Variants in TRIM31 observed in about 807,000 individuals in gnomAD.
The protein encoded by TRIM31 is E3 ubiquitin-protein ligase TRIM31.
Under a neutral mutation model 40.6 loss-of-function variants are expected in TRIM31, and 31 were observed. The ratio of observed to expected loss-of-function variants is 0.76; its 90% CI spans 0.57 to 1.03. The LOEUF (loss-of-function observed/expected upper bound fraction) is 1.03. Among genes scored for constraint, TRIM31 ranks in the 50% least tolerant of loss-of-function variants. TRIM31 has a pLI of 0.00. For synonymous variants in TRIM31, 164 were observed against 193.9 expected (o/e 0.85, Z 1.28); for missense variants, 455 against 497.5 (o/e 0.91, Z 0.81).
At chr6:30,109,168 C>T (rs945822572) in intron 4 of TRIM31, 120 bp from the exon 5 acceptor site, 2 of 956,644 alleles carry the variant, frequency 2.1e-6, no homozygotes, top group Admixed American at 1.8e-5. Context: ...CCCTCCAAGT[C>T]TCTCTTACCC....
At chr6:30,110,953 T>C (rs1399349744) in intron 3 of TRIM31, among the ~76,000 whole-genome samples, 1 of 152,142 alleles carries the variant, frequency 6.6e-6, no homozygotes, top group Non-Finnish European at 1.5e-5. Context: ...TTTATAATCT[T>C]TCATATAGAT....
intron 2 of TRIM31, 96 bp downstream of exon 2, chr6:30,112,293 T>G: frequency 6.9e-7 from 1 of 1,442,372 alleles, no homozygotes; most frequent in Non-Finnish European, 9.4e-7. Context: ...GTGGGGGCAA[T>G]GGGGTGCAAA....
At chr6:30,104,517 A>G (rs1254300927) in intron 7 of TRIM31, among the ~76,000 whole-genome samples, 1 of 152,186 alleles carries the variant, frequency 6.6e-6, no homozygotes, top group Middle Eastern at 3.2e-3. Flanking sequence ...TTTGGAATGC[A>G]TTCTGTAGTT....
intron 3 of TRIM31, chr6:30,111,267 C>A (rs1350664847): frequency 7.5e-5 from 16 of 212,634 alleles, no homozygotes; most frequent in Non-Finnish European, 4.7e-5. Flanking sequence ...TCTCAAACTC[C>A]TGGGCTCAAG....
At chr6:30,104,062 G>C (rs1232376575) in intron 8 of TRIM31, 40 bp downstream of exon 8, 1 of 1,598,770 alleles carries the variant, frequency 6.3e-7, no homozygotes, top group South Asian at 1.1e-5. Context: ...ACCACCTGTA[G>C]ACTTAGAGGT....
At chr6:30,108,839 T>C (rs576574674) in intron 5 of TRIM31, 187 bp downstream of exon 5, 178 of 661,440 alleles carry the variant, frequency 2.7e-4, no homozygotes, top group Non-Finnish European at 4.1e-4. Flanking sequence ...CTGGTTTCTT[T>C]AACAACCAAC....
At chr6:30,110,709 G>A in intron 3 of TRIM31, 31 bp from the exon 4 acceptor site, 1 of 1,603,834 alleles carries the variant, frequency 6.2e-7, no homozygotes, top group South Asian at 1.1e-5. Context: ...GAGGGTGAGA[G>A]GATGGCCTCG....
At chr6:30,105,588 A>G (rs1768600534) in intron 6 of TRIM31, 1 of 165,852 alleles carries the variant, frequency 6.0e-6, no homozygotes, top group Admixed American at 6.4e-5. Context: ...TTAACTCAAT[A>G]TTCTCAAAAT....
At chr6:30,107,923 C>T in intron 6 of TRIM31, 130 bp downstream of exon 6, 1 of 657,700 alleles carries the variant, frequency 1.5e-6, no homozygotes, top group Non-Finnish European at 2.7e-6. Context: ...AAGTACTCAG[C>T]CAGAAGCCTG....
chr6:30,106,934 A>G (rs1028544219), intron 6 of TRIM31, among the ~76,000 whole-genome samples: 3 of 152,104 alleles, frequency 2.0e-5, no homozygotes, highest in Admixed American at 1.3e-4. Flanking sequence ...CCCCGTCTCT[A>G]CTAAAAATAC....
chr6:30,109,154 G>A (rs1298081384), intron 4 of TRIM31, 106 bp from the exon 5 acceptor site: 9 of 1,151,626 alleles, frequency 7.8e-6, no homozygotes. Context: ...GGAGGAGTAA[G>A]AACCCCTCCA....
Position 30,103,166 on chromosome 6 carries a change from T to G in TRIM31, c.*370A>C. The G allele has an allele frequency of 3.4e-6, 1 of 293,486 alleles. No homozygotes were observed. The highest frequency in any genetic ancestry group is 6.5e-6 in the Non-Finnish European group (1 of 154,488). 18.2% of individuals were successfully genotyped at this position (293,486 alleles called of 1,614,324 possible). On this transcript the variant is annotated 3_prime_UTR_variant, in exon 9 of 9. Transcript: ENST00000376734. The stretch of plus-strand genomic sequence containing the variant: ...GGCTGGCGTTGCTCCTCTCCGGATT[T>G]CACTCCTGGCTGAACTGGTGCCTTC...
At chr6:30,103,861 G>A (rs1254760393) in intron 8 of TRIM31, 72 bp from the exon 9 acceptor site, 1 of 1,596,196 alleles carries the variant, frequency 6.3e-7, no homozygotes, top group Non-Finnish European at 8.5e-7. Flanking sequence ...TTGCCAGACA[G>A]CACAGCTGAG....
At chr6:30,106,407 C>T (rs2127383380) in intron 6 of TRIM31, among the ~76,000 whole-genome samples, 1 of 152,234 alleles carries the variant, frequency 6.6e-6, no homozygotes, top group East Asian at 1.9e-4. Flanking sequence ...CCAGCCACAC[C>T]CTTCTCCACG....
chr6:30,111,760 G>A lies in TRIM31; in HGVS notation c.418-17C>T, dbSNP rs769731645. The A allele has an allele frequency of 1.1e-4, 185 of 1,612,978 alleles. 1 individual carries two copies. The highest frequency in any genetic ancestry group is 2.8e-5 in the Non-Finnish European group (33 of 1,179,098). On this transcript the variant is annotated splice_polypyrimidine_tract_variant and intron_variant, in intron 2 of 8. Transcript: ENST00000376734. Reference sequence around the variant, plus strand: ...AATCTGCCCCTGCGGAAAGAGGGCCGTTTGGACAGGCTGTGCCTGGAGATT... The same window carrying A: ...AATCTGCCCCTGCGGAAAGAGGGCCATTTGGACAGGCTGTGCCTGGAGATT...
At chr6:30,111,197 T>G in intron 3 of TRIM31, 1 of 175,996 alleles carries the variant, frequency 5.7e-6, no homozygotes, top group Non-Finnish European at 1.2e-5. Context: ...CACGCCCGGC[T>G]AGTTTTCTTT....
intron 4 of TRIM31, among the ~76,000 whole-genome samples, chr6:30,109,509 G>T (rs1385804764): frequency 6.6e-6 from 1 of 152,192 alleles, no homozygotes; most frequent in Non-Finnish European, 1.5e-5. Context: ...ACCACATGTG[G>T]CTACTGAACA....
rs759716603 is a variant in TRIM31 at position 30,108,038 on chromosome 6, C to T, written c.883+15G>A. 5.9e-6 allele frequency: 9 copies of T among 1,512,932 alleles called. No individual in the cohort carries two copies. Among genetic ancestry groups the T allele is most frequent in the South Asian group, 1.1e-5 (1 of 88,192 alleles). The allele number at this position is 1,512,932 out of a possible 1,614,324, so 93.7% of individuals were successfully genotyped here. A position where few individuals can be genotyped will look rare whatever the true frequency, so the allele number is the denominator to read the frequency against. ...TGGAAGTAGGTGAATAGAGAAAATACAGCCTCTTCCTTACCTTTGAATTTT... is the reference window on the plus strand; with the variant it reads ...TGGAAGTAGGTGAATAGAGAAAATATAGCCTCTTCCTTACCTTTGAATTTT... On this transcript the variant is annotated intron_variant, in intron 6 of 8. Coordinates refer to ENST00000376734, the MANE Select transcript of TRIM31 (RefSeq NM_007028.5).
chr6:30,111,449 G>C (rs1176163726), intron 3 of TRIM31, 199 bp downstream of exon 3: 1 of 569,752 alleles, frequency 1.8e-6, no homozygotes, highest in African/African-American at 1.9e-5. Flanking sequence ...GTCTGCCGGT[G>C]GAGACTGAGC....
Sources: gnomAD v4.1 joint callset for allele counts (sites outside exome capture counted in the v4.1 genomes callset) on GRCh38, gnomAD v4.1.1 for gene constraint, MANE v1.5 for transcripts, NCBI Gene and HGNC (gene_info 2026-07-23, HGNC 2026-07-21) for gene names.